The following CTNNB1 variants were observed in gnomAD, a reference collection of about 807,000 sequenced individuals.
CTNNB1 encodes catenin beta-1.
CTNNB1 carries 6 observed loss-of-function variants against 82.5 expected under a neutral mutation model. The observed-to-expected ratio is 0.07, with a 90% confidence interval of 0.04 to 0.14. CTNNB1 has a LOEUF of 0.14. Among genes scored for constraint, CTNNB1 ranks in the 10% least tolerant of loss-of-function variants. The pLI is 1.00. For synonymous variants in CTNNB1, 312 were observed against 329.7 expected, an observed-to-expected ratio of 0.95 and a Z score of 0.58; for missense variants, 529 against 980.4, an observed-to-expected ratio of 0.54 and a Z score of 6.15.
At chr3:41,232,078 AG>A (rs1423966276) in intron 7 of CTNNB1, among the ~76,000 whole-genome samples, 2 of 152,146 alleles carry the variant, frequency 1.3e-5, no homozygotes, top group African/African-American at 4.8e-5. Flanking sequence ...CTTAGTATAT[AG>A]GGGTAAGGGC....
intron 1 of CTNNB1, chr3:41,200,167 G>C (rs1264260700): frequency 6.6e-6 from 1 of 152,192 alleles, no homozygotes; most frequent in Non-Finnish European, 1.5e-5. Flanking sequence ...CAGTCCTGGG[G>C]ATCGGACCAG....
rs1381312335 is a variant in CTNNB1, at chr3:41,239,563, C to T, written c.*221C>T. The T allele has an allele frequency of 8.6e-6, 5 of 580,336 alleles. No homozygotes were observed. The highest frequency in any genetic ancestry group is 6.0e-5 in the Admixed American group (2 of 33,188). 35.9% of individuals were successfully genotyped at this position (580,336 alleles called of 1,614,324 possible). A position where few individuals can be genotyped will look rare whatever the true frequency, so the allele number is the denominator to read the frequency against. ...TGTGATCATGTGTGGAAGTTATTAACTTTAATGTTTTTTGCCACAGCTTTT... is the reference window on the plus strand; with the variant it reads ...TGTGATCATGTGTGGAAGTTATTAATTTTAATGTTTTTTGCCACAGCTTTT... On this transcript the variant is annotated 3_prime_UTR_variant, in exon 15 of 15. Coordinates refer to ENST00000349496, the MANE Select transcript of CTNNB1 (RefSeq NM_001904.4).
intron 1 of CTNNB1, among the ~76,000 whole-genome samples, chr3:41,209,631 T>A (rs1384502594): frequency 6.6e-6 from 1 of 152,184 alleles, no homozygotes; most frequent in Non-Finnish European, 1.5e-5. Context: ...CAAACCTAGA[T>A]GGTATAGCCT....
intron 13 of CTNNB1, chr3:41,237,585 T>A (rs763558042): frequency 1.1e-4 from 18 of 161,512 alleles, no homozygotes; most frequent in Middle Eastern, 6.3e-3. Context: ...GTTTTCACTG[T>A]CTTCTCTGTC....
chr3:41,220,093 A>T (rs1458111567), intron 1 of CTNNB1, among the ~76,000 whole-genome samples: 1 of 152,174 alleles, frequency 6.6e-6, no homozygotes, highest in Non-Finnish European at 1.5e-5. Flanking sequence ...ATATTAATTT[A>T]TTTGAGGCAT....
In CTNNB1 at chr3:41,234,553, G is replaced by A. The variant is rs11564457; in HGVS notation, c.1683+256G>A. On this transcript the variant is annotated intron_variant, in intron 10 of 14. Transcript: ENST00000349496. Reference sequence around the variant, plus strand: ...AAGGTTGGGTTAGGTGTTTCATAAAGTGTTCTCATTTAATTTACACAAAGG... The same window carrying A: ...AAGGTTGGGTTAGGTGTTTCATAAAATGTTCTCATTTAATTTACACAAAGG... 1.1e-3 allele frequency: 551 copies of A among 501,424 alleles called. 1 individual carries two copies. Among genetic ancestry groups the A allele is most frequent in the African/African-American group, 9.8e-3 (508 of 51,808 alleles). The allele number at this position is 501,424 out of a possible 1,614,324, so 31.1% of individuals were successfully genotyped here. A position where few individuals can be genotyped will look rare whatever the true frequency, so the allele number is the denominator to read the frequency against.
Position 41,233,800 on chromosome 3 carries a change from G to A in CTNNB1, c.1457G>A (p.Arg486His), listed in dbSNP as rs750554859. 1.9e-6 allele frequency: 3 copies of A among 1,612,854 alleles called. No homozygotes were observed. Among genetic ancestry groups the A allele is most frequent in the South Asian group, 1.1e-5 (1 of 91,020 alleles). ...QEAEMAQNAVRLHYGLPVVVK... is the reference protein window; with the variant it reads ...QEAEMAQNAVHLHYGLPVVVK... ...GCAGAGATGGCCCAGAATGCAGTTC[G>A]CCTTCACTATGGACTACCAGTTGTG... The change falls in exon 9 of 15, where the codon CGC (arginine) becomes CAC (histidine). Residue 486 changes from arginine (R) to histidine (H), a missense_variant. By Grantham distance (29) the Arg-to-His change is conservative (BLOSUM62 0). This residue lies in a region of CTNNB1 where 411 missense variants were observed against 776.4 expected (regional missense o/e 0.53). Transcript: ENST00000349496.
chr3:41,218,994 G>T (rs759497942), intron 1 of CTNNB1, among the ~76,000 whole-genome samples: 1 of 152,082 alleles, frequency 6.6e-6, no homozygotes, highest in Non-Finnish European at 1.5e-5. Context: ...ATGAAGCATT[G>T]TTCTGTTTTT....
At chr3:41,207,077 G>A (rs1209524291) in intron 1 of CTNNB1, among the ~76,000 whole-genome samples, 8 of 152,054 alleles carry the variant, frequency 5.3e-5, no homozygotes, top group African/African-American at 1.9e-4. Flanking sequence ...GTTGTCCCCC[G>A]TTGATCACTG....
chr3:41,236,810 G>C (rs2125648065), intron 13 of CTNNB1, 101 bp downstream of exon 13: 1 of 1,487,358 alleles, frequency 6.7e-7, no homozygotes. Context: ...CATTTGCATT[G>C]ATGTTTCCCT....
chr3:41,238,117 A>G (rs777785565), intron 14 of CTNNB1, 41 bp downstream of exon 14: 2 of 1,572,406 alleles, frequency 1.3e-6, no homozygotes, highest in South Asian at 2.2e-5. Flanking sequence ...AGATCAAGCT[A>G]AAGTTCTAAA....
At chr3:41,209,037 C>T (rs1035925344) in intron 1 of CTNNB1, among the ~76,000 whole-genome samples, 16 of 152,208 alleles carry the variant, frequency 1.1e-4, no homozygotes, top group Non-Finnish European at 2.1e-4. Context: ...CTCACTTAAT[C>T]TGTTAGTAGT....
intron 7 of CTNNB1, among the ~76,000 whole-genome samples, chr3:41,227,768 A>G (rs994687599): frequency 3.9e-5 from 6 of 152,158 alleles, no homozygotes; most frequent in African/African-American, 7.2e-5. Context: ...GGTAATGTGC[A>G]GGCTTGTTAT....
intron 1 of CTNNB1, chr3:41,211,056 GTGCGAGGA>G (rs1417148522): frequency 2.8e-5 from 13 of 456,500 alleles, no homozygotes; most frequent in African/African-American, 6.0e-5. Context: ...GCCTCACAAA[GTGCGAGGA>G]TTACAGGTAA....
chr3:41,227,173 C>T (rs774897540), intron 6 of CTNNB1, 35 bp from the exon 7 acceptor site: 1 of 1,564,640 alleles, frequency 6.4e-7, no homozygotes. Flanking sequence ...ATCAAGATTC[C>T]TTGACTAACA....
At chr3:41,237,105 C>T (rs1473602288) in intron 13 of CTNNB1, 2 of 322,836 alleles carry the variant, frequency 6.2e-6, no homozygotes, top group East Asian at 7.2e-5. Flanking sequence ...AATTTTTCTT[C>T]AGCATTTGTC....
chr3:41,227,412 C>G (rs5743393), intron 7 of CTNNB1, 60 bp downstream of exon 7: 3 of 1,574,656 alleles, frequency 1.9e-6, no homozygotes, highest in Admixed American at 1.7e-5. Flanking sequence ...AATTAGATTA[C>G]TTTTCTTAGG....
chr3:41,239,481 ATAC>A lies in CTNNB1; in HGVS notation c.*141_*143del. 1.4e-6 allele frequency: 1 copy of A among 727,224 alleles called. No individual in the cohort carries two copies. The highest frequency in any genetic ancestry group is 1.6e-5 in the South Asian group (1 of 63,536). 45.0% of individuals were successfully genotyped at this position (727,224 alleles called of 1,614,324 possible). ...GTAAATCTGCCACAAAAACAGGTAT[ATAC>A]TTTGAAAGGAGATGTCTTGGAACAT... is the stretch of plus-strand genomic sequence containing the variant. On this transcript the variant is annotated 3_prime_UTR_variant, in exon 15 of 15. Transcript: ENST00000349496.
intron 1 of CTNNB1, among the ~76,000 whole-genome samples, chr3:41,206,837 A>G (rs1197220165): frequency 1.3e-5 from 2 of 152,078 alleles, no homozygotes; most frequent in East Asian, 3.9e-4. Flanking sequence ...GCTGGGGTAG[A>G]CCCTTAAATT....
Sources: allele counts gnomAD v4.1 joint callset (sites outside exome capture counted in the v4.1 genomes callset), GRCh38; gene constraint gnomAD v4.1.1; regional missense constraint gnomAD v4.1.1; transcripts MANE v1.5; gene names NCBI Gene and HGNC (gene_info 2026-07-23, HGNC 2026-07-21).